FMN1: variants seen among roughly 807,000 people sequenced by gnomAD.
The protein encoded by FMN1 is formin 1.
Under a neutral mutation model 132.4 loss-of-function variants are expected in FMN1, and 110 were observed. That is an observed-to-expected ratio of 0.83 (90% CI 0.71 to 0.97). FMN1 has a LOEUF of 0.97. FMN1 is among the 50% of genes least tolerant of loss of function. The probability of loss-of-function intolerance (pLI) is 0.00; values close to 1 mark genes in which losing one functional copy is unlikely to be tolerated. For synonymous variants in FMN1, 722 were observed against 651.7 expected, an observed-to-expected ratio of 1.11 and a Z score of -1.64; for missense variants, 1,792 against 1,705.3, an observed-to-expected ratio of 1.05 and a Z score of -0.90.
chr15:32,962,955 A>G (rs1474158132), intron 9 of FMN1, among the ~76,000 whole-genome samples: 1 of 139,274 alleles, frequency 7.2e-6, no homozygotes, highest in Non-Finnish European at 1.5e-5. Context: ...GGGATCTAGA[A>G]CTAGAAATAC....
intron 5 of FMN1, among the ~76,000 whole-genome samples, chr15:33,072,785 T>C (rs2038047123): frequency 6.6e-6 from 1 of 152,032 alleles, no homozygotes; most frequent in Admixed American, 6.6e-5. Flanking sequence ...TAGCCAGGCA[T>C]GGTGGTGGGC....
At chr15:33,070,098 C>T (rs985182378) in intron 5 of FMN1, among the ~76,000 whole-genome samples, 1 of 147,906 alleles carries the variant, frequency 6.8e-6, no homozygotes, top group African/African-American at 2.5e-5. Context: ...CCCCGCCTCC[C>T]GGGTTCAAGT....
intron 7 of FMN1, among the ~76,000 whole-genome samples, chr15:33,003,059 G>GT (rs1439053687): frequency 3.3e-5 from 5 of 152,148 alleles, no homozygotes; most frequent in Admixed American, 2.6e-4. Flanking sequence ...TTGATGGGAC[G>GT]TATCTCAAAA....
At chr15:32,987,710 AT>A (rs56821813) in intron 7 of FMN1, among the ~76,000 whole-genome samples, 5,733 of 152,244 alleles carry the variant, frequency 0.038, 371 homozygotes, top group African/African-American at 0.13. Flanking sequence ...TCACTTTTTT[AT>A]ATTTGTCTCA....
chr15:33,108,648 TAAGA>T (rs2039578655), intron 4 of FMN1, among the ~76,000 whole-genome samples: 1 of 152,078 alleles, frequency 6.6e-6, no homozygotes, highest in Non-Finnish European at 1.5e-5. Context: ...TCCCCACTCT[TAAGA>T]AAGGTCAACT....
At chr15:33,125,889 C>G (rs1232776795) in intron 4 of FMN1, among the ~76,000 whole-genome samples, 1 of 151,618 alleles carries the variant, frequency 6.6e-6, no homozygotes, top group Non-Finnish European at 1.5e-5. Context: ...GACTGATTGG[C>G]TATAGCCTAT....
At chr15:33,081,183 T>G (rs1198256174) in intron 5 of FMN1, among the ~76,000 whole-genome samples, 1 of 152,202 alleles carries the variant, frequency 6.6e-6, no homozygotes. Flanking sequence ...GACCGTTTTC[T>G]CCACGGCTAG....
rs370360435 is a variant in FMN1 at position 32,981,899 on chromosome 15, TAGAC to T, written c.2224-12426_2224-12423del. Among the ~76,000 whole-genome samples, 68 of 152,296 alleles carry T rather than the reference TAGAC, an allele frequency of 4.5e-4. No homozygotes were observed. In the East Asian group the frequency reaches 6.8e-3, roughly 15 times the overall value. On this transcript the variant is annotated intron_variant, in intron 7 of 20. Coordinates refer to ENST00000616417, the MANE Select transcript of FMN1 (RefSeq NM_001277313.2). The stretch of plus-strand genomic sequence containing the variant: ...ATGATCCATTTAAAAACTGATCAAT[TAGAC>T]AGACCCTTTCACAATTAAAATTTTC...
chr15:32,891,911 C>A (rs1308101857), intron 15 of FMN1, among the ~76,000 whole-genome samples: 1 of 151,422 alleles, frequency 6.6e-6, no homozygotes, highest in African/African-American at 2.4e-5. Flanking sequence ...AATCTTGTAT[C>A]CTGAAACTTT....
chr15:32,814,766 C>T (rs1477269896), intron 17 of FMN1, among the ~76,000 whole-genome samples: 1 of 152,098 alleles, frequency 6.6e-6, no homozygotes. Flanking sequence ...GCATGGACTA[C>T]GGCCTTTTTC....
At chr15:32,887,016 C>T (rs1313965027) in intron 16 of FMN1, among the ~76,000 whole-genome samples, 3 of 151,820 alleles carry the variant, frequency 2.0e-5, no homozygotes, top group Non-Finnish European at 4.4e-5. Flanking sequence ...ACCCACGTTC[C>T]TTTAAAAATA....
intron 17 of FMN1, among the ~76,000 whole-genome samples, chr15:32,842,922 T>A (rs193302507): frequency 6.6e-6 from 1 of 151,426 alleles, no homozygotes; most frequent in East Asian, 2.0e-4. Context: ...GGTCGGGAGA[T>A]CGGGGCCATC....
In FMN1 at chr15:33,153,134, T is replaced by C; in HGVS notation, c.1781A>G (p.Gln594Arg). The change falls in exon 4 of 21, where the codon CAA becomes CGA. Residue 594 changes from glutamine (Q) to arginine (R), a missense_variant. By Grantham distance (43) the Gln-to-Arg change is conservative. Around this residue, in one of 3 missense-constraint regions of FMN1, gnomAD observed 1,150 missense variants for 1,043.1 expected, o/e 1.10. Transcript: ENST00000616417. ...GASPAFLRAG[Q>R]PRLVPGETLE... ...AGTTTCCCCAGGCACCAACCGAGGTTGGCCTGCTCTGAGGAAGGCCGGGCT... is the reference window on the plus strand; with the variant it reads ...AGTTTCCCCAGGCACCAACCGAGGTCGGCCTGCTCTGAGGAAGGCCGGGCT... 1 of 1,536,108 alleles carries C rather than the reference T, an allele frequency of 6.5e-7. No individual in the cohort carries two copies. The highest frequency in any genetic ancestry group is 1.2e-5 in the South Asian group (1 of 84,062).
At chr15:32,872,240 A>G (rs2059533114) in intron 16 of FMN1, among the ~76,000 whole-genome samples, 1 of 152,248 alleles carries the variant, frequency 6.6e-6, no homozygotes, top group Non-Finnish European at 1.5e-5. Context: ...AATCAACAAT[A>G]TCAAGTAATC....
At chr15:33,095,869 A>C (rs1455818836) in intron 4 of FMN1, among the ~76,000 whole-genome samples, 2 of 152,178 alleles carry the variant, frequency 1.3e-5, no homozygotes, top group African/African-American at 4.8e-5. Context: ...AGTAAAGTAG[A>C]GAAAAAATTA....
At chr15:32,988,911 G>A (rs1360312513) in intron 7 of FMN1, among the ~76,000 whole-genome samples, 1 of 152,256 alleles carries the variant, frequency 6.6e-6, no homozygotes, top group Non-Finnish European at 1.5e-5. Flanking sequence ...TTAAGCTAAC[G>A]CAAATCATCA....
chr15:33,100,748 AATC>A (rs1271378707), intron 4 of FMN1, among the ~76,000 whole-genome samples: 2 of 152,242 alleles, frequency 1.3e-5, no homozygotes, highest in East Asian at 1.9e-4. Context: ...AATCATAAAG[AATC>A]ATCATCGTTG....
intron 9 of FMN1, among the ~76,000 whole-genome samples, chr15:32,946,978 T>C (rs2061524582): frequency 1.3e-5 from 2 of 152,198 alleles, no homozygotes; most frequent in African/African-American, 4.8e-5. Flanking sequence ...GTATTACAAA[T>C]GTCTTCAAGC....
At chr15:32,875,871 G>C (rs911775075) in intron 16 of FMN1, among the ~76,000 whole-genome samples, 7 of 152,146 alleles carry the variant, frequency 4.6e-5, no homozygotes, top group African/African-American at 1.7e-4. Flanking sequence ...TCATGGTATG[G>C]TAGCTTGGGC....
Sources: allele counts gnomAD v4.1 joint callset (sites outside exome capture counted in the v4.1 genomes callset), GRCh38; gene constraint gnomAD v4.1.1; regional missense constraint gnomAD v4.1.1; transcripts MANE v1.5; gene names NCBI Gene and HGNC (gene_info 2026-07-23, HGNC 2026-07-21).